The following ENDOV variants were observed in gnomAD, a reference collection of about 807,000 sequenced individuals.
ENDOV encodes endonuclease V.
ENDOV carries 37 observed loss-of-function variants against 39.4 expected under a neutral mutation model. That is an observed-to-expected ratio of 0.94 (90% CI 0.72 to 1.23). ENDOV has a LOEUF of 1.23. ENDOV is among the 50% of genes most tolerant of loss of function. ENDOV has a pLI of 0.00. For synonymous variants in ENDOV, 186 were observed against 163.4 expected, an observed-to-expected ratio of 1.14 and a Z score of -1.05; for missense variants, 441 against 375.7, an observed-to-expected ratio of 1.17 and a Z score of -1.44.
chr17:80,417,830 T>C (rs1368019685), intron 2 of ENDOV: 1 of 152,224 alleles, frequency 6.6e-6, no homozygotes, highest in Non-Finnish European at 1.5e-5. Context: ...GACGCTGGAC[T>C]CTTCCTTCAA....
intron 9 of ENDOV, chr17:80,430,043 G>A (rs551554179): frequency 6.5e-7 from 1 of 1,535,798 alleles, no homozygotes; most frequent in Non-Finnish European, 8.7e-7. Flanking sequence ...AGCCGCAGGT[G>A]GAGCACCCAG....
chr17:80,429,452 G>A (rs2083136910), intron 8 of ENDOV, among the ~76,000 whole-genome samples: 1 of 152,194 alleles, frequency 6.6e-6, no homozygotes, highest in Non-Finnish European at 1.5e-5. Flanking sequence ...CCTCGCCCAC[G>A]ATTAGTTACT....
chr17:80,424,391 A>G (rs778947123), intron 5 of ENDOV: 8 of 399,192 alleles, frequency 2.0e-5, no homozygotes, highest in Non-Finnish European at 3.5e-5. Context: ...ACAGGAAGGA[A>G]GCGGGCTCAG....
intron 4 of ENDOV, among the ~76,000 whole-genome samples, chr17:80,422,786 G>A (rs899959466): frequency 3.3e-5 from 5 of 152,120 alleles, no homozygotes; most frequent in Admixed American, 1.3e-4. Context: ...TGCAACCTCC[G>A]CCTCCCGGGT....
chr17:80,436,269 T>TCGAACG lies in ENDOV; in HGVS notation c.*129_*134dup. On this transcript the variant is annotated 3_prime_UTR_variant, in exon 10 of 10. Transcript: ENST00000518137. The stretch of plus-strand genomic sequence containing the variant: ...GCACACATCCTCGTCTCGTTCCTGA[T>TCGAACG]CGAACGCGGTGGTGAGAGCACACGT... 6.5e-7 allele frequency: 1 copy of TCGAACG among 1,538,060 alleles called. No individual in the cohort carries two copies. The highest frequency in any genetic ancestry group is 1.8e-5 in the Admixed American group (1 of 54,358).
In ENDOV at chr17:80,425,540, G is replaced by A. The variant is rs775271641; in HGVS notation, c.634G>A (p.Gly212Ser). 2 of 1,596,108 alleles carry A rather than the reference G, an allele frequency of 1.3e-6. No homozygotes were observed. The highest frequency in any genetic ancestry group is 1.7e-6 in the Non-Finnish European group (2 of 1,174,716). Residue 212 changes from glycine to serine, a missense_variant, in exon 7 of 10, where the codon GGC becomes AGC. By Grantham distance (56) the Gly-to-Ser change is moderately conservative. Coordinates refer to ENST00000518137, the MANE Select transcript of ENDOV (RefSeq NM_173627.5). ...CACCAGGCCCCTCTACATCTCCGTG[G>A]GCCACAGGATGAGCCTGGAGGCCGC... is the stretch of plus-strand genomic sequence containing the variant. Reference protein sequence around the residue: ...RSTRPLYISVGHRMSLEAAVR... With the variant: ...RSTRPLYISVSHRMSLEAAVR...
Position 80,421,915 on chromosome 17 carries a change from G to T in ENDOV, c.316G>T (p.Glu106Ter). The T allele has an allele frequency of 1.2e-6, 2 of 1,611,434 alleles. No homozygotes were observed. ...LAFREVPFLL[E>*]LVQQLREKEP... ...CTTCCGAGAGGTGCCCTTCTTGCTG[G>T]AGCTGGTGCAGCAGCTGCGGGAGAA... The change falls in exon 3 of 10, where the codon GAG (glutamate) becomes TAG (stop). Residue 106 changes from glutamate to a stop codon, truncating the protein, a stop_gained. Coordinates refer to ENST00000518137, the MANE Select transcript of ENDOV (RefSeq NM_173627.5). LOFTEE classifies it high-confidence loss of function.
intron 2 of ENDOV, among the ~76,000 whole-genome samples, chr17:80,416,554 A>G (rs1465839144): frequency 6.6e-6 from 1 of 151,998 alleles, no homozygotes; most frequent in Non-Finnish European, 1.5e-5. Flanking sequence ...CTGTGCCACC[A>G]TCACTCCTGT....
chr17:80,425,327 G>A, intron 6 of ENDOV, 165 bp from the exon 7 acceptor site: 1 of 1,095,224 alleles, frequency 9.1e-7, no homozygotes. Flanking sequence ...ACAAGCAGCA[G>A]GAAGGCGCCC....
rs186609780 is a variant in ENDOV, at chr17:80,431,603, C to A, written c.838+1772C>A. Among the ~76,000 whole-genome samples, 393 of 152,298 alleles carry A rather than the reference C, an allele frequency of 2.6e-3. 3 individuals are homozygous for A. The highest frequency in any genetic ancestry group is 3.2e-3 in the Non-Finnish European group (218 of 68,012). On this transcript the variant is annotated intron_variant, in intron 9 of 9. Transcript: ENST00000518137. ...ATGAGCAGTGTGGGGCGAGAGGGAG[C>A]CCCAGTGCGGCCCCTCAGGCCCTCC...
rs537571857 is a variant in ENDOV at position 80,425,392 on chromosome 17, G to A, written c.586-100G>A. ...GCACTGCCCCTTCAGCTTCCCCCTT[G>A]CCCCCAGGACATTTTGTCAGAGCTC... On this transcript the variant is annotated intron_variant, in intron 6 of 9. Transcript: ENST00000518137. The A allele has an allele frequency of 1.2e-4, 185 of 1,482,880 alleles. 2 individuals carry two copies. In the South Asian group the frequency reaches 2.1e-3, roughly 16 times the overall value. 91.9% of individuals were successfully genotyped at this position (1,482,880 alleles called of 1,614,324 possible).
At chr17:80,423,664 G>A in intron 5 of ENDOV, 32 bp downstream of exon 5, 2 of 1,540,190 alleles carry the variant, frequency 1.3e-6, no homozygotes, top group Non-Finnish European at 8.8e-7. Context: ...GCCATGCCCG[G>A]CAGCTCAGTG....
intron 2 of ENDOV, among the ~76,000 whole-genome samples, chr17:80,416,698 CCCTCCCTCCCTCCCTT>C (rs1568204369): frequency 2.4e-5 from 3 of 127,386 alleles, no homozygotes; most frequent in Non-Finnish European, 5.0e-5. Flanking sequence ...TCCCCTCCCT[CCCTCCCTCCCTCCCTT>C]CCTTCCTTCC....
At chr17:80,423,679 G>C in intron 5 of ENDOV, 47 bp downstream of exon 5, 1 of 1,523,626 alleles carries the variant, frequency 6.6e-7, no homozygotes, top group Non-Finnish European at 8.9e-7. Flanking sequence ...TCAGTGGCGG[G>C]GCTGTGGTGG....
chr17:80,421,194 C>T (rs2144899810), intron 2 of ENDOV, among the ~76,000 whole-genome samples: 1 of 150,022 alleles, frequency 6.7e-6, no homozygotes, highest in Admixed American at 6.6e-5. Context: ...GGAGGCTCCT[C>T]CTATGGACTA....
intron 5 of ENDOV, 82 bp downstream of exon 5, chr17:80,423,714 AC>A: frequency 7.5e-7 from 1 of 1,341,140 alleles, no homozygotes; most frequent in Non-Finnish European, 1.0e-6. Flanking sequence ...ACACTTCTGG[AC>A]CAGCCCTTGC....
chr17:80,425,463 C>G (rs748592333), intron 6 of ENDOV, 29 bp from the exon 7 acceptor site: 8 of 1,582,176 alleles, frequency 5.1e-6, no homozygotes, highest in Non-Finnish European at 6.8e-6. Flanking sequence ...GCCCAGCCCA[C>G]AGGACAGCCC....
chr17:80,427,777 A>G (rs1050581236), intron 7 of ENDOV: 7 of 1,289,204 alleles, frequency 5.4e-6, no homozygotes, highest in Middle Eastern at 2.1e-4. Flanking sequence ...CCCCATGGTC[A>G]CAGGCGCTGC....
intron 9 of ENDOV, among the ~76,000 whole-genome samples, chr17:80,435,187 A>C (rs1178940139): frequency 6.6e-6 from 1 of 152,132 alleles, no homozygotes; most frequent in Non-Finnish European, 1.5e-5. Flanking sequence ...GTGGGTTGTC[A>C]TTATTTTCTT....
Sources: gnomAD v4.1 joint callset for allele counts (sites outside exome capture counted in the v4.1 genomes callset) on GRCh38, gnomAD v4.1.1 for gene constraint, MANE v1.5 for transcripts, NCBI Gene and HGNC (gene_info 2026-07-23, HGNC 2026-07-21) for gene names.